The following TMC2 variants were observed in gnomAD, a reference collection of about 807,000 sequenced individuals.
TMC2 encodes transmembrane channel like 2.
A neutral mutation model predicts 105.9 loss-of-function variants in TMC2; 102 were observed. The ratio of observed to expected loss-of-function variants is 0.96; its 90% CI spans 0.82 to 1.14. The LOEUF is 1.14. TMC2 is among the 50% of genes most tolerant of loss of function. The pLI, the probability that TMC2 is intolerant of heterozygous loss-of-function variation, is 0.00. For synonymous variants in TMC2, 402 were observed against 422.8 expected, an observed-to-expected ratio of 0.95 and a Z score of 0.60; for missense variants, 1,093 against 1,134.3, an observed-to-expected ratio of 0.96 and a Z score of 0.52.
intron 11 of TMC2, among the ~76,000 whole-genome samples, chr20:2,606,278 G>A (rs2086391014): frequency 6.6e-6 from 1 of 151,844 alleles, no homozygotes; most frequent in Admixed American, 6.6e-5. Flanking sequence ...ATTTACTTTT[G>A]AGATGAAGTC....
chr20:2,574,885 C>A (rs994424863), intron 5 of TMC2, among the ~76,000 whole-genome samples: 1 of 152,140 alleles, frequency 6.6e-6, no homozygotes, highest in Admixed American at 6.5e-5. Flanking sequence ...GCCACCATAC[C>A]CGGCTAATTT....
At position 2,612,311 on chromosome 20, in the gene TMC2, G is replaced by T. The variant is rs370789432; in HGVS notation, c.1714G>T (p.Gly572Cys). Reference protein sequence around the residue: ...PPLHPADVPRGSCWETAVGIE... With the variant: ...PPLHPADVPRCSCWETAVGIE... ...CCTGCACCCTGCAGATGTGCCCCGG[G>T]GTTCTTGCTGGGAGACAGCTGTGGG... Residue 572 changes from glycine to cysteine, a missense_variant, in exon 13 of 20, where the codon GGT becomes TGT. Physicochemically the swap from Gly to Cys is radical, Grantham distance 159. Coordinates refer to ENST00000358864, the MANE Select transcript of TMC2 (RefSeq NM_080751.3). The T allele has an allele frequency of 1.3e-6, 2 of 1,586,930 alleles. No homozygotes were observed. Among genetic ancestry groups the T allele is most frequent in the Non-Finnish European group, 8.6e-7 (1 of 1,161,990 alleles).
chr20:2,629,706 C>G (rs938048574), intron 17 of TMC2, among the ~76,000 whole-genome samples: 1 of 152,138 alleles, frequency 6.6e-6, no homozygotes, highest in Admixed American at 6.5e-5. Context: ...CCAGCAGTCA[C>G]CCCCTTAGTC....
intron 14 of TMC2, 41 bp downstream of exon 14, chr20:2,613,363 CA>C: frequency 6.2e-7 from 1 of 1,613,390 alleles, no homozygotes; most frequent in South Asian, 1.1e-5. Flanking sequence ...AAAGGAATTT[CA>C]ACTATCTTCT....
chr20:2,624,312 A>G lies in TMC2; in HGVS notation c.2222A>G (p.Glu741Gly). Residue 741 changes from glutamate to glycine, a missense_variant, in exon 17 of 20, where the codon GAA becomes GGA. Physicochemically the swap from Glu to Gly is moderately conservative, Grantham distance 98. Transcript: ENST00000358864. ...TACGATGTCCTCCAAGAGACCATTG[A>G]AAACGATTTCCCAACCTTCCTGGGC... ...RMYDVLQETI[E>G]NDFPTFLGKI... 6.2e-7 allele frequency: 1 copy of G among 1,614,182 alleles called. No homozygotes were observed.
At chr20:2,575,595 A>G (rs2086138443) in intron 5 of TMC2, among the ~76,000 whole-genome samples, 1 of 152,230 alleles carries the variant, frequency 6.6e-6, no homozygotes, top group South Asian at 2.1e-4. Context: ...TTAAGTGTAA[A>G]CATTGTGTTG....
In TMC2 at chr20:2,613,488, T is replaced by C. The variant is rs1384926867; in HGVS notation, c.1872+166T>C. 3 of 1,001,432 alleles carry C rather than the reference T, an allele frequency of 3.0e-6. No individual in the cohort carries two copies. In the African/African-American group the frequency reaches 4.8e-5, roughly 16 times the overall value. 62.0% of individuals were successfully genotyped at this position (1,001,432 alleles called of 1,614,324 possible). ...TAATTTGTATTTCCTTTAAGGGTCC[T>C]ATTTGCCTTCATAAGGGAAACTGCT... On this transcript the variant is annotated intron_variant, in intron 14 of 19. Transcript: ENST00000358864.
At chr20:2,632,734 C>T (rs891808959) in intron 17 of TMC2, among the ~76,000 whole-genome samples, 46 of 152,044 alleles carry the variant, frequency 3.0e-4, no homozygotes, top group Non-Finnish European at 5.9e-5. Context: ...GGATTACAGG[C>T]GCCCGCCACT....
rs539636883 is a variant in TMC2, at chr20:2,560,741, G to A, written c.402-1117G>A. ...AGTGCCAGCTACTCCGGAGGCTAAG[G>A]TGGGAGAATGGCGTGAACCCAGGAG... is the stretch of plus-strand genomic sequence containing the variant. On this transcript the variant is annotated intron_variant, in intron 3 of 19. Transcript: ENST00000358864. Among the ~76,000 whole-genome samples the A allele has an allele frequency of 1.3e-3, 204 of 152,186 alleles. 2 individuals are homozygous for A. Among genetic ancestry groups the A allele is most frequent in the Admixed American group, 2.2e-3 (33 of 15,290 alleles).
intron 11 of TMC2, among the ~76,000 whole-genome samples, chr20:2,605,073 G>A (rs1028507771): frequency 9.2e-5 from 14 of 152,186 alleles, no homozygotes; most frequent in African/African-American, 2.7e-4. Flanking sequence ...CCAAAGTGGG[G>A]GCAGGCTTGT....
intron 7 of TMC2, among the ~76,000 whole-genome samples, chr20:2,587,835 G>A (rs2086241529): frequency 6.6e-6 from 1 of 152,092 alleles, no homozygotes; most frequent in Non-Finnish European, 1.5e-5. Flanking sequence ...TCGTACAATA[G>A]ATCTCTTGAA....
At chr20:2,640,091 T>C (rs1268000374) in intron 19 of TMC2, among the ~76,000 whole-genome samples, 2 of 152,156 alleles carry the variant, frequency 1.3e-5, no homozygotes, top group East Asian at 1.9e-4. Flanking sequence ...CAAGTGATTC[T>C]CCTGCTCAGT....
In TMC2 at chr20:2,561,903, C is replaced by T. The variant is rs377484662; in HGVS notation, c.447C>T (p.Ser149=). The T allele has an allele frequency of 3.7e-4, 601 of 1,614,170 alleles. 9 individuals carry two copies. The South Asian group carries it at 6.0e-3, about 16-fold the overall frequency. The stretch of plus-strand genomic sequence containing the variant: ...GTGCCTCTGGTGGGGAGTCCCTGTC[C>T]GAGGAGGAACTGGCCCAGATCCTGG... ...ASSASGGESL[S]EEELAQILEQ... The change falls in exon 4 of 20, where the codon TCC becomes TCT. Residue 149 remains serine (S), a synonymous_variant. Transcript: ENST00000358864.
At chr20:2,577,497 A>C (rs761352756) in intron 5 of TMC2, among the ~76,000 whole-genome samples, 1 of 152,112 alleles carries the variant, frequency 6.6e-6, no homozygotes, top group African/African-American at 2.4e-5. Flanking sequence ...TCTCTTTTGC[A>C]TCTGGGACCA....
chr20:2,558,836 C>T lies in TMC2; in HGVS notation c.401+62C>T, dbSNP rs2086004129. 16 of 1,457,732 alleles carry T rather than the reference C, an allele frequency of 1.1e-5. No homozygotes were observed. The South Asian group carries it at 1.7e-4, about 16-fold the overall frequency. The allele number at this position is 1,457,732 out of a possible 1,614,324, so 90.3% of individuals were successfully genotyped here. On this transcript the variant is annotated intron_variant, in intron 3 of 19. Transcript: ENST00000358864. The surrounding 1 kb of genome is among the most constrained non-coding windows in gnomAD (Gnocchi z 4.6). ...GCGCTCCCGCTCCTTCGCGGCCCTT[C>T]CCCTTCCCCCGTGAGGGACTGATGC...
At chr20:2,561,837 C>G in intron 3 of TMC2, 21 bp from the exon 4 acceptor site, 1 of 1,607,182 alleles carries the variant, frequency 6.2e-7, no homozygotes, top group Non-Finnish European at 8.5e-7. Flanking sequence ...CCCTCTGCCT[C>G]CGCCCTGGCT....
At chr20:2,550,251 A>C (rs556418365) in intron 2 of TMC2, among the ~76,000 whole-genome samples, 1 of 151,922 alleles carries the variant, frequency 6.6e-6, no homozygotes, top group African/African-American at 2.4e-5. Context: ...CGGCAGGCTG[A>C]GGAGGGAGGA....
intron 7 of TMC2, among the ~76,000 whole-genome samples, chr20:2,585,827 G>A (rs1256520808): frequency 6.6e-6 from 1 of 152,180 alleles, no homozygotes; most frequent in Non-Finnish European, 1.5e-5. Context: ...ATCCAAGAAG[G>A]AAATAGAGCA....
chr20:2,612,447 C>T, intron 13 of TMC2, 107 bp downstream of exon 13: 1 of 1,111,086 alleles, frequency 9.0e-7, no homozygotes, highest in Non-Finnish European at 1.2e-6. Flanking sequence ...ACCAGCTGTT[C>T]ATCCAGCAAA....
Sources: gnomAD v4.1 joint callset for allele counts (sites outside exome capture counted in the v4.1 genomes callset) on GRCh38, gnomAD v4.1.1 for gene constraint, Gnocchi (gnomAD v3.1) non-coding constraint, MANE v1.5 for transcripts, NCBI Gene and HGNC (gene_info 2026-07-23, HGNC 2026-07-21) for gene names.